ITGAM: variants seen among roughly 807,000 people sequenced by gnomAD.
The protein encoded by ITGAM is integrin alpha-M.
In ITGAM, 79 loss-of-function variants were observed where a neutral mutation model predicts 137.5. That is an observed-to-expected ratio of 0.57 (90% CI 0.48 to 0.69). The LOEUF (loss-of-function observed/expected upper bound fraction) is 0.69. ITGAM is among the 30% of genes least tolerant of loss of function. The pLI is 0.00. For synonymous variants in ITGAM, 583 were observed against 592.3 expected (o/e 0.98, Z 0.23); for missense variants, 1,343 against 1,483.5 (o/e 0.91, Z 1.56).
chr16:31,278,191 C>T, intron 12 of ITGAM, 82 bp downstream of exon 12: 1 of 1,406,812 alleles, frequency 7.1e-7, no homozygotes, highest in Non-Finnish European at 9.7e-7. Flanking sequence ...ATTCAGATGA[C>T]ATGCATGGCC....
At chr16:31,264,198 G>A (rs1284589903) in intron 2 of ITGAM, among the ~76,000 whole-genome samples, 1 of 151,964 alleles carries the variant, frequency 6.6e-6, no homozygotes. Context: ...TGTAATCCCA[G>A]CATTTTGGGA....
chr16:31,280,364 C>T (rs1327906994), intron 12 of ITGAM, among the ~76,000 whole-genome samples: 1 of 152,150 alleles, frequency 6.6e-6, no homozygotes, highest in African/African-American at 2.4e-5. Flanking sequence ...TCTTCCTATC[C>T]ATGAGCATGG....
At chr16:31,276,001 G>A (rs565843347) in intron 9 of ITGAM, among the ~76,000 whole-genome samples, 7 of 152,224 alleles carry the variant, frequency 4.6e-5, no homozygotes, top group East Asian at 3.9e-4. Context: ...TCGTCTGTTC[G>A]GTTCTCTGTT....
rs2080449635 is a variant in ITGAM, at chr16:31,321,458, C to T, written c.1839-6C>T. The T allele has an allele frequency of 1.2e-6, 2 of 1,613,780 alleles. No homozygotes were observed. The highest frequency in any genetic ancestry group is 1.7e-6 in the Non-Finnish European group (2 of 1,179,858). The stretch of plus-strand genomic sequence containing the variant: ...GGTCCCTGATGGTTTTCTGGTGTCC[C>T]TTTAGGTCCCAGCCAGTACTGAGAG... On this transcript the variant is annotated splice_region_variant and splice_polypyrimidine_tract_variant and intron_variant, in intron 15 of 29. Transcript: ENST00000544665.
intron 14 of ITGAM, among the ~76,000 whole-genome samples, chr16:31,302,402 T>TTC: frequency 7.3e-6 from 1 of 137,214 alleles, no homozygotes; most frequent in Non-Finnish European, 1.6e-5. Flanking sequence ...TTTCTTTTCT[T>TTC]TTCTTTTTTC....
chr16:31,286,930 A>C (rs2080035280), intron 12 of ITGAM, among the ~76,000 whole-genome samples: 1 of 152,286 alleles, frequency 6.6e-6, no homozygotes, highest in South Asian at 2.1e-4. Context: ...GCTGCTGTTG[A>C]GAAAGTATTT....
Position 31,328,175 on chromosome 16 carries a change from A to C in ITGAM, c.2737A>C (p.Thr913Pro). The part of the protein sequence containing the change: ...SENNMPRTNK[T>P]EFQLELPVKY... ...GAACAACATGCCCAGAACCAACAAAACCGAATTCCAACTGGAGCTGCCGGT... is the reference window on the plus strand; with the variant it reads ...GAACAACATGCCCAGAACCAACAAACCCGAATTCCAACTGGAGCTGCCGGT... The change falls in exon 23 of 30, where the codon ACC (threonine) becomes CCC (proline). Residue 913 changes from threonine to proline, a missense_variant. Physicochemically the swap from Thr to Pro is conservative, Grantham distance 38. Coordinates refer to ENST00000544665, the MANE Select transcript of ITGAM (RefSeq NM_000632.4). 6.2e-7 allele frequency: 1 copy of C among 1,613,902 alleles called. No individual in the cohort carries two copies. Among genetic ancestry groups the C allele is most frequent in the Non-Finnish European group, 8.5e-7 (1 of 1,179,856 alleles).
At chr16:31,305,710 A>G (rs1485342532) in intron 14 of ITGAM, among the ~76,000 whole-genome samples, 1 of 152,132 alleles carries the variant, frequency 6.6e-6, no homozygotes, top group East Asian at 1.9e-4. Flanking sequence ...TTCTGCATCT[A>G]TTGAGATGAT....
At chr16:31,300,206 A>G (rs2144392332) in intron 14 of ITGAM, among the ~76,000 whole-genome samples, 1 of 152,286 alleles carries the variant, frequency 6.6e-6, no homozygotes, top group East Asian at 1.9e-4. Flanking sequence ...GGTTGTTTTC[A>G]CATCCTGGCT....
Position 31,321,344 on chromosome 16 carries a change from G to C in ITGAM, c.1811G>C (p.Gly604Ala). ...TMDGLVDLTVGAQGHVLLLRS... is the reference protein window; with the variant it reads ...TMDGLVDLTVAAQGHVLLLRS... ...GATGGACTGGTAGACCTGACTGTAG[G>C]AGCCCAGGGGCACGTGCTGCTGCTC... is the stretch of plus-strand genomic sequence containing the variant. The change falls in exon 15 of 30, where the codon GGA becomes GCA. Residue 604 changes from glycine (G) to alanine (A), a missense_variant. Transcript: ENST00000544665. The C allele has an allele frequency of 2.5e-6, 4 of 1,614,032 alleles. No individual in the cohort carries two copies. Among genetic ancestry groups the C allele is most frequent in the Non-Finnish European group, 3.4e-6 (4 of 1,179,904 alleles).
intron 5 of ITGAM, among the ~76,000 whole-genome samples, chr16:31,270,733 ATATATATAT>A (rs1265894332): frequency 9.9e-5 from 11 of 110,790 alleles, no homozygotes; most frequent in African/African-American, 4.2e-4. Context: ...ATATATATAT[ATATATATAT>A]ATGTTTTTAA....
At chr16:31,263,214 T>C (rs949892781) in intron 2 of ITGAM, among the ~76,000 whole-genome samples, 2 of 152,096 alleles carry the variant, frequency 1.3e-5, no homozygotes, top group Non-Finnish European at 2.9e-5. Flanking sequence ...GTGCTGGGAT[T>C]ACAGGCTTGA....
chr16:31,261,925 T>C, intron 2 of ITGAM, 128 bp downstream of exon 2: 1 of 608,228 alleles, frequency 1.6e-6, no homozygotes, highest in Admixed American at 2.9e-5. Context: ...AACAAATTCA[T>C]CTTTTGAATT....
Position 31,297,552 on chromosome 16 carries a change from C to G in ITGAM, c.1395C>G (p.Asp465Glu). The G allele has an allele frequency of 6.2e-7, 1 of 1,612,114 alleles. No individual in the cohort carries two copies. The highest frequency in any genetic ancestry group is 1.1e-5 in the South Asian group (1 of 90,986). The stretch of plus-strand genomic sequence containing the variant: ...TCGGGGCCTCCCTCTGCTCCGTGGA[C>G]GTGGACAGCAACGGCAGCACCGACC... ...AYFGASLCSV[D>E]VDSNGSTDLV... The change falls in exon 13 of 30, where the codon GAC (aspartate) becomes GAG (glutamate). Residue 465 changes from aspartate (D) to glutamate (E), a missense_variant. Physicochemically the swap from Asp to Glu is conservative, Grantham distance 45. Transcript: ENST00000544665.
chr16:31,321,474 G>C lies in ITGAM; in HGVS notation c.1849G>C (p.Val617Leu), dbSNP rs748310019. The C allele has an allele frequency of 1.2e-6, 2 of 1,613,874 alleles. No homozygotes were observed. Among genetic ancestry groups the C allele is most frequent in the South Asian group, 2.2e-5 (2 of 91,088 alleles). Reference protein sequence around the residue: ...GHVLLLRSQPVLRVKAIMEFN... With the variant: ...GHVLLLRSQPLLRVKAIMEFN... Reference sequence around the variant, plus strand: ...CTGGTGTCCCTTTAGGTCCCAGCCAGTACTGAGAGTCAAGGCAATCATGGA... The same window carrying C: ...CTGGTGTCCCTTTAGGTCCCAGCCACTACTGAGAGTCAAGGCAATCATGGA... Residue 617 changes from valine to leucine, a missense_variant, in exon 16 of 30, where the codon GTA becomes CTA. Physicochemically the swap from Val to Leu is conservative, Grantham distance 32 (BLOSUM62 1). Transcript: ENST00000544665.
In ITGAM at chr16:31,324,987, C is replaced by T. The variant is rs1394809458; in HGVS notation, c.2319C>T (p.Asp773=). 11 of 1,612,858 alleles carry T rather than the reference C, an allele frequency of 6.8e-6. No homozygotes were observed. Among genetic ancestry groups the T allele is most frequent in the Non-Finnish European group, 8.5e-6 (10 of 1,179,416 alleles). Residue 773 remains aspartate, a synonymous_variant, in exon 19 of 30, where the codon GAC becomes GAT. Coordinates refer to ENST00000544665, the MANE Select transcript of ITGAM (RefSeq NM_000632.4). This position sits in a 1 kb window ranked among gnomAD's most constrained non-coding sequence, Gnocchi z 4.5. The part of the protein sequence containing the change: ...LFPFEKNCGN[D]NICQDDLSIT... Reference sequence around the variant, plus strand: ...CCTTTGAGAAGAATTGTGGCAATGACAACATCTGCCAGGATGACCTCAGCA... The same window carrying T: ...CCTTTGAGAAGAATTGTGGCAATGATAACATCTGCCAGGATGACCTCAGCA...
In ITGAM at chr16:31,265,867, C is replaced by T; in HGVS notation, c.295C>T (p.Pro99Ser). 2 of 1,613,840 alleles carry T rather than the reference C, an allele frequency of 1.2e-6. No homozygotes were observed. Among genetic ancestry groups the T allele is most frequent in the Non-Finnish European group, 8.5e-7 (1 of 1,179,942 alleles). The change falls in exon 4 of 30, where the codon CCC becomes TCC. Residue 99 changes from proline (P) to serine (S), a missense_variant. Pro to Ser is a moderately conservative substitution (Grantham distance 74). Coordinates refer to ENST00000544665, the MANE Select transcript of ITGAM (RefSeq NM_000632.4). ...LGLSLAATTS[P>S]PQLLACGPTV... ...CCTGTCCCTGGCAGCCACCACCAGC[C>T]CCCCTCAGCTGCTGGTGAGTGGGGC...
intron 14 of ITGAM, among the ~76,000 whole-genome samples, chr16:31,309,956 C>T (rs991514693): frequency 6.1e-4 from 93 of 151,964 alleles, no homozygotes; most frequent in African/African-American, 2.2e-3. Context: ...AAAATTCTTT[C>T]CTTTAAGAAT....
At chr16:31,263,742 T>C (rs1330473710) in intron 2 of ITGAM, among the ~76,000 whole-genome samples, 1 of 150,978 alleles carries the variant, frequency 6.6e-6, no homozygotes, top group East Asian at 1.9e-4. Context: ...GTTGTGAAGC[T>C]CTCTCCCTTG....
Sources: gnomAD v4.1 joint callset for allele counts (sites outside exome capture counted in the v4.1 genomes callset) on GRCh38, gnomAD v4.1.1 for gene constraint, Gnocchi (gnomAD v3.1) non-coding constraint, MANE v1.5 for transcripts, NCBI Gene and HGNC (gene_info 2026-07-23, HGNC 2026-07-21) for gene names.